Variants in PPP6R3 observed in about 807,000 individuals in gnomAD.
PPP6R3 encodes serine/threonine-protein phosphatase 6 regulatory subunit 3.
PPP6R3 carries 38 observed loss-of-function variants against 110.7 expected under a neutral mutation model. That is an observed-to-expected ratio of 0.34 (90% CI 0.26 to 0.45). The LOEUF is 0.45. Ranked by LOEUF, PPP6R3 falls within the 20% of genes least tolerant of loss-of-function variation. The probability of loss-of-function intolerance (pLI) is 1.00; values close to 1 mark genes in which losing one functional copy is unlikely to be tolerated. For missense variants in PPP6R3, 870 were observed against 1,062.4 expected (o/e 0.82, Z 2.52); for synonymous variants, 369 against 373.5 (o/e 0.99, Z 0.14).
chr11:68,560,175 C>G (rs2099413902), intron 8 of PPP6R3, among the ~76,000 whole-genome samples: 1 of 152,060 alleles, frequency 6.6e-6, no homozygotes, highest in African/African-American at 2.4e-5. Context: ...AAATTAAACC[C>G]AAGGCAAACA....
chr11:68,491,955 C>G (rs2153440181), intron 1 of PPP6R3, among the ~76,000 whole-genome samples: 1 of 152,276 alleles, frequency 6.6e-6, no homozygotes, highest in Admixed American at 6.5e-5. Context: ...TCCTGGGCCA[C>G]AGGTTGGACC....
In PPP6R3 at chr11:68,603,360, T is replaced by C; in HGVS notation, c.2318T>C (p.Met773Thr). 6.2e-7 allele frequency: 1 copy of C among 1,613,990 alleles called. No homozygotes were observed. The highest frequency in any genetic ancestry group is 1.1e-5 in the South Asian group (1 of 91,060). The stretch of plus-strand genomic sequence containing the variant: ...TTTTCAGCGGCAGGCAGTGTGGCCA[T>C]GGAAGCCAGCTCTGACGGAGAGGAG... ...VQPEAAGSVA[M>T]EASSDGEEDA... Residue 773 changes from methionine to threonine, a missense_variant, in exon 22 of 24, where the codon ATG becomes ACG. Physicochemically the swap from Met to Thr is moderately conservative, Grantham distance 81. Coordinates refer to ENST00000393800, the MANE Select transcript of PPP6R3 (RefSeq NM_001164161.2).
intron 12 of PPP6R3, chr11:68,571,307 G>A (rs1304374231): frequency 7.1e-6 from 5 of 702,694 alleles, no homozygotes; most frequent in East Asian, 3.6e-5. Context: ...TTGTTTTTGG[G>A]GCAAAACAAG....
At chr11:68,533,704 C>CAAAAAA (rs58617776) in intron 2 of PPP6R3, among the ~76,000 whole-genome samples, 1 of 56,140 alleles carries the variant, frequency 1.8e-5, no homozygotes, top group Non-Finnish European at 3.2e-5. Flanking sequence ...GACCTTGTCT[C>CAAAAAA]AAAAAAAAAA....
intron 8 of PPP6R3, among the ~76,000 whole-genome samples, chr11:68,562,576 A>G (rs2153737425): frequency 6.6e-6 from 1 of 152,358 alleles, no homozygotes; most frequent in African/African-American, 2.4e-5. Flanking sequence ...CATACAGATC[A>G]CTGGGACAGA....
intron 1 of PPP6R3, among the ~76,000 whole-genome samples, chr11:68,483,286 T>C (rs563290831): frequency 6.6e-6 from 1 of 152,324 alleles, no homozygotes; most frequent in South Asian, 2.1e-4. Flanking sequence ...TCTTTTAAAA[T>C]TGTGGGAAAA....
chr11:68,575,562 A>G (rs994700012), intron 13 of PPP6R3, among the ~76,000 whole-genome samples: 5 of 152,158 alleles, frequency 3.3e-5, no homozygotes, highest in Admixed American at 1.3e-4. Flanking sequence ...ACCATGGAAA[A>G]AGATCCCCCT....
At chr11:68,609,540 A>C in intron 22 of PPP6R3, 1 of 1,506,336 alleles carries the variant, frequency 6.6e-7, no homozygotes, top group Non-Finnish European at 9.0e-7. Flanking sequence ...TATTCCCCCA[A>C]ATTCCTCATT....
At chr11:68,609,718 CCTTTT>C (rs1942368485) in intron 22 of PPP6R3, 181 bp from the exon 23 acceptor site, 1 of 1,566,740 alleles carries the variant, frequency 6.4e-7, no homozygotes, top group Admixed American at 1.7e-5. Context: ...GCGACCCTTT[CCTTTT>C]GTGATTCCCC....
chr11:68,482,597 T>C (rs912858729), intron 1 of PPP6R3, among the ~76,000 whole-genome samples: 1 of 152,166 alleles, frequency 6.6e-6, no homozygotes, highest in African/African-American at 2.4e-5. Flanking sequence ...AAGTCTTGAC[T>C]GTAGAGGTAG....
intron 14 of PPP6R3, among the ~76,000 whole-genome samples, chr11:68,578,370 C>T (rs753065388): frequency 3.3e-5 from 5 of 152,168 alleles, no homozygotes; most frequent in Admixed American, 1.3e-4. Context: ...GTTACACTTG[C>T]CTTCTTAACA....
chr11:68,480,818 AT>A lies in PPP6R3; in HGVS notation c.-158+19997del, dbSNP rs554827337. ...TTTGCTAAGAGTTAGCAAATATATG[AT>A]TTTTTCCCCCTCCTTCAATATGGAG... On this transcript the variant is annotated intron_variant, in intron 1 of 23. Coordinates refer to ENST00000393800, the MANE Select transcript of PPP6R3 (RefSeq NM_001164161.2). Among the ~76,000 whole-genome samples, 39 of 152,184 alleles carry A rather than the reference AT, an allele frequency of 2.6e-4. 1 individual carries two copies. Among genetic ancestry groups the A allele is most frequent in the Non-Finnish European group, 4.6e-4 (31 of 68,026 alleles).
At chr11:68,588,049 T>A in intron 16 of PPP6R3, 25 bp downstream of exon 16, 2 of 1,577,104 alleles carry the variant, frequency 1.3e-6, no homozygotes, top group East Asian at 2.2e-5. Flanking sequence ...CTGTTTCCGC[T>A]GTTGCTCTTG....
chr11:68,477,031 TA>T (rs1197052533), intron 1 of PPP6R3, among the ~76,000 whole-genome samples: 3,490 of 143,012 alleles, frequency 0.024, 95 homozygotes, highest in African/African-American at 0.073. Flanking sequence ...CCTGTTTCTT[TA>T]AAAAAAAAAA....
At chr11:68,555,622 A>G (rs1417450681) in intron 7 of PPP6R3, among the ~76,000 whole-genome samples, 2 of 152,202 alleles carry the variant, frequency 1.3e-5, no homozygotes, top group African/African-American at 2.4e-5. Context: ...TTCCGTCCAC[A>G]CAGCTTTATT....
intron 4 of PPP6R3, among the ~76,000 whole-genome samples, chr11:68,547,293 TTA>T (rs2099353134): frequency 6.6e-6 from 1 of 152,084 alleles, no homozygotes; most frequent in Non-Finnish European, 1.5e-5. Context: ...TGAGATCCTG[TTA>T]TATAGCAGCT....
intron 1 of PPP6R3, among the ~76,000 whole-genome samples, chr11:68,501,328 AATT>A (rs2153480453): frequency 6.6e-6 from 1 of 152,282 alleles, no homozygotes; most frequent in Admixed American, 6.5e-5. Flanking sequence ...GAAGTAGACA[AATT>A]ATTAGTATTA....
chr11:68,510,347 GT>G (rs986918575), intron 1 of PPP6R3, among the ~76,000 whole-genome samples: 1 of 151,564 alleles, frequency 6.6e-6, no homozygotes, highest in East Asian at 1.9e-4. Flanking sequence ...ATTCTTCTTT[GT>G]TTTTTTTGAA....
chr11:68,461,464 A>C (rs1346674175), intron 1 of PPP6R3, among the ~76,000 whole-genome samples: 3 of 130,052 alleles, frequency 2.3e-5, no homozygotes, highest in African/African-American at 8.7e-5. Context: ...AACTGTCTCG[A>C]ATGCCTCCCT....
Sources: allele counts gnomAD v4.1 joint callset (sites outside exome capture counted in the v4.1 genomes callset), GRCh38; gene constraint gnomAD v4.1.1; transcripts MANE v1.5; gene names NCBI Gene and HGNC (gene_info 2026-07-23, HGNC 2026-07-21).